The following GRID2 variants were observed in gnomAD, a reference collection of about 807,000 sequenced individuals.
The protein encoded by GRID2 is glutamate receptor ionotropic, delta-2.
In GRID2, 33 loss-of-function variants were observed where a neutral mutation model predicts 114.8. The ratio of observed to expected loss-of-function variants is 0.29; its 90% CI spans 0.22 to 0.38. The LOEUF is 0.38. GRID2 is among the 10% of genes least tolerant of loss of function. The pLI is 1.00. For missense variants in GRID2, 1,184 were observed against 1,257.7 expected, an observed-to-expected ratio of 0.94 and a Z score of 0.89; for synonymous variants, 505 against 449.9, an observed-to-expected ratio of 1.12 and a Z score of -1.55.
intron 13 of GRID2, among the ~76,000 whole-genome samples, chr4:93,575,877 T>G (rs1736374852): frequency 6.6e-6 from 1 of 152,182 alleles, no homozygotes; most frequent in Non-Finnish European, 1.5e-5. Context: ...CACTGCATTC[T>G]CACAAGTTAG....
intron 1 of GRID2, among the ~76,000 whole-genome samples, chr4:92,548,556 G>A (rs989862162): frequency 1.3e-5 from 2 of 151,164 alleles, no homozygotes; most frequent in African/African-American, 4.9e-5. Context: ...CACTCTCCTG[G>A]CTAATTTTTG....
intron 2 of GRID2, among the ~76,000 whole-genome samples, chr4:92,753,167 C>G (rs1737538123): frequency 6.6e-6 from 1 of 152,082 alleles, no homozygotes; most frequent in Non-Finnish European, 1.5e-5. Flanking sequence ...ATAATTGAAA[C>G]CAATAAATAT....
chr4:92,866,668 C>T (rs902881351), intron 2 of GRID2, among the ~76,000 whole-genome samples: 3 of 151,800 alleles, frequency 2.0e-5, no homozygotes, highest in Admixed American at 1.3e-4. Flanking sequence ...CTCAGCCTCC[C>T]GAGTAGCTGG....
chr4:93,479,019 C>A (rs141635704), intron 11 of GRID2, among the ~76,000 whole-genome samples: 500 of 152,100 alleles, frequency 3.3e-3, no homozygotes, highest in Non-Finnish European at 6.3e-3. Flanking sequence ...TACATAGAGG[C>A]GTGCATTGAG....
chr4:92,863,845 G>A (rs1309654504), intron 2 of GRID2, among the ~76,000 whole-genome samples: 1 of 152,094 alleles, frequency 6.6e-6, no homozygotes. Context: ...CACTCTCGAT[G>A]TTATTTAACT....
intron 1 of GRID2, among the ~76,000 whole-genome samples, chr4:92,393,652 A>C (rs1730357946): frequency 6.6e-6 from 1 of 152,026 alleles, no homozygotes; most frequent in Admixed American, 6.6e-5. Context: ...TCATTGTTTT[A>C]TTTGACTAAT....
intron 6 of GRID2, 49 bp from the exon 7 acceptor site, chr4:93,224,565 G>T: frequency 8.2e-7 from 1 of 1,222,736 alleles, no homozygotes; most frequent in Admixed American, 1.8e-5. Context: ...CCTTATTCCT[G>T]ATGACTGGTG....
At chr4:93,468,516 A>G (rs1724501747) in intron 11 of GRID2, among the ~76,000 whole-genome samples, 1 of 152,220 alleles carries the variant, frequency 6.6e-6, no homozygotes, top group African/African-American at 2.4e-5. Context: ...TTGATGTTGA[A>G]CAAAATCCTG....
chr4:92,739,078 C>G (rs538973060), intron 2 of GRID2, among the ~76,000 whole-genome samples: 3 of 152,236 alleles, frequency 2.0e-5, no homozygotes, highest in Admixed American at 6.5e-5. Flanking sequence ...ATACTCACTC[C>G]TATCTAGCTG....
chr4:93,719,250 A>G (rs957699776), intron 14 of GRID2, among the ~76,000 whole-genome samples: 2 of 152,136 alleles, frequency 1.3e-5, no homozygotes, highest in African/African-American at 4.8e-5. Flanking sequence ...AGTTGAATCT[A>G]ACTCAATTTT....
At position 92,521,695 on chromosome 4, in the gene GRID2, G is replaced by A. The variant is rs552211824; in HGVS notation, c.89-68436G>A. Among the ~76,000 whole-genome samples the A allele has an allele frequency of 6.6e-5, 10 of 151,988 alleles. No homozygotes were observed. In the South Asian group the frequency reaches 1.9e-3, roughly 28 times the overall value. On this transcript the variant is annotated intron_variant, in intron 1 of 15. Transcript: ENST00000282020. Reference sequence around the variant, plus strand: ...GATAAACCAGCATGATAAGAGTGACGAATCATGTTGGTTAATAAAATTTCT... The same window carrying A: ...GATAAACCAGCATGATAAGAGTGACAAATCATGTTGGTTAATAAAATTTCT...
chr4:92,629,398 G>A (rs564510327), intron 2 of GRID2, among the ~76,000 whole-genome samples: 2 of 152,184 alleles, frequency 1.3e-5, no homozygotes, highest in Admixed American at 1.3e-4. Flanking sequence ...CAGTACATCT[G>A]TCATCTTATA....
intron 4 of GRID2, among the ~76,000 whole-genome samples, chr4:93,161,905 AT>A (rs1419402305): frequency 6.6e-6 from 1 of 151,646 alleles, no homozygotes; most frequent in Admixed American, 6.6e-5. Flanking sequence ...CTAATTTTTT[AT>A]CTCATAAAAT....
At chr4:92,375,001 A>AG (rs1164992678) in intron 1 of GRID2, among the ~76,000 whole-genome samples, 6 of 152,128 alleles carry the variant, frequency 3.9e-5, no homozygotes, top group African/African-American at 1.4e-4. Flanking sequence ...AGACAGCAAG[A>AG]GGGGTATATG....
intron 11 of GRID2, among the ~76,000 whole-genome samples, chr4:93,476,989 A>G (rs1461476700): frequency 2.0e-5 from 3 of 152,128 alleles, no homozygotes; most frequent in African/African-American, 4.8e-5. Context: ...TTGTTTCACT[A>G]TAAGAAAATA....
intron 13 of GRID2, among the ~76,000 whole-genome samples, chr4:93,540,102 T>C (rs1411157828): frequency 3.3e-5 from 5 of 152,064 alleles, no homozygotes; most frequent in Admixed American, 3.3e-4. Flanking sequence ...GTGTGATTTT[T>C]TCCTTGGAAA....
chr4:93,264,618 C>A (rs933619439), intron 8 of GRID2, among the ~76,000 whole-genome samples: 2 of 150,380 alleles, frequency 1.3e-5, no homozygotes, highest in African/African-American at 4.9e-5. Context: ...CCTACAATTT[C>A]TCTTCTCCTG....
At chr4:92,997,706 T>C (rs1264383067) in intron 2 of GRID2, among the ~76,000 whole-genome samples, 1 of 152,156 alleles carries the variant, frequency 6.6e-6, no homozygotes, top group African/African-American at 2.4e-5. Context: ...TCTCAGTTTC[T>C]TCTTTTATAA....
chr4:92,940,369 T>C (rs1751014960), intron 2 of GRID2, among the ~76,000 whole-genome samples: 1 of 136,572 alleles, frequency 7.3e-6, no homozygotes, highest in Non-Finnish European at 1.6e-5. Context: ...TCTCTGTTTG[T>C]CTGTTATTGG....
Sources: gnomAD v4.1 joint callset for allele counts (sites outside exome capture counted in the v4.1 genomes callset) on GRCh38, gnomAD v4.1.1 for gene constraint, MANE v1.5 for transcripts, NCBI Gene and HGNC (gene_info 2026-07-23, HGNC 2026-07-21) for gene names.